AURKA: variants seen among roughly 807,000 people sequenced by gnomAD.
AURKA encodes the protein aurora kinase A.
In AURKA, 12 loss-of-function variants were observed where a neutral mutation model predicts 40.9. That is an observed-to-expected ratio of 0.29 (90% confidence interval 0.19 to 0.48). The LOEUF is 0.48. AURKA is among the 20% of genes least tolerant of loss of function. The probability of loss-of-function intolerance (pLI) is 0.99; values close to 1 mark genes in which losing one functional copy is unlikely to be tolerated. For synonymous variants in AURKA, 170 were observed against 164.3 expected, an observed-to-expected ratio of 1.03 and a Z score of -0.26; for missense variants, 322 against 462.1, an observed-to-expected ratio of 0.70 and a Z score of 2.78.
chr20:56,382,020 T>C (rs1985773293), intron 5 of AURKA, among the ~76,000 whole-genome samples: 1 of 152,018 alleles, frequency 6.6e-6, no homozygotes, highest in Non-Finnish European at 1.5e-5. Context: ...AAAAATTAGC[T>C]AGGCTTGTTG....
chr20:56,381,712 CTA>C (rs1206362629), intron 5 of AURKA, 141 bp from the exon 6 acceptor site: 5 of 1,012,114 alleles, frequency 4.9e-6, no homozygotes, highest in Non-Finnish European at 7.4e-6. Flanking sequence ...GAATCTGAAA[CTA>C]TAAACCCACT....
At chr20:56,380,537 G>T (rs1428626532) in intron 6 of AURKA, among the ~76,000 whole-genome samples, 1 of 152,132 alleles carries the variant, frequency 6.6e-6, no homozygotes, top group Non-Finnish European at 1.5e-5. Flanking sequence ...CTCTGGCACA[G>T]AATTCCAGAT....
chr20:56,373,861 G>A lies in AURKA; in HGVS notation c.706-305C>T, dbSNP rs564425763. Reference sequence around the variant, plus strand: ...GCTACTTGGGAGGCTGAGGCAGGAGGATTGCTTGAGACCAGGAGGTCAAAG... The same window carrying A: ...GCTACTTGGGAGGCTGAGGCAGGAGAATTGCTTGAGACCAGGAGGTCAAAG... On this transcript the variant is annotated intron_variant, in intron 6 of 8. Coordinates refer to ENST00000395915, the MANE Select transcript of AURKA (RefSeq NM_198437.3). The surrounding 1 kb of genome is among the most constrained non-coding windows in gnomAD (Gnocchi z 5.0). Among the ~76,000 whole-genome samples the A allele has an allele frequency of 3.1e-3, 467 of 152,268 alleles. 4 individuals carry two copies. The highest frequency in any genetic ancestry group is 0.01 in the African/African-American group (436 of 41,546).
chr20:56,380,748 TAAG>T (rs966685229), intron 6 of AURKA, among the ~76,000 whole-genome samples: 1 of 152,240 alleles, frequency 6.6e-6, no homozygotes, highest in African/African-American at 2.4e-5. Context: ...TGGTATGTGA[TAAG>T]AATGCACTTT....
chr20:56,390,366 G>A (rs1007713252), intron 1 of AURKA, among the ~76,000 whole-genome samples: 1 of 151,220 alleles, frequency 6.6e-6, no homozygotes, highest in South Asian at 2.1e-4. Flanking sequence ...GAGTGCAATG[G>A]CGCAATCTCG....
chr20:56,381,545 C>T lies in AURKA; in HGVS notation c.593G>A (p.Gly198Asp), dbSNP rs762388330. ...LRHPNILRLY[G>D]YFHDATRVYL... Reference sequence around the variant, plus strand: ...GACTCTGGTAGCATCATGGAAATAACCATACAGTCTAAGAATATTAGGATG... The same window carrying T: ...GACTCTGGTAGCATCATGGAAATAATCATACAGTCTAAGAATATTAGGATG... Residue 198 changes from glycine to aspartate, a missense_variant, in exon 6 of 9, where the codon GGT becomes GAT. Gly to Asp is a moderately conservative substitution (Grantham distance 94). Coordinates refer to ENST00000395915, the MANE Select transcript of AURKA (RefSeq NM_198437.3). 6.2e-7 allele frequency: 1 copy of T among 1,613,848 alleles called. No individual in the cohort carries two copies. The highest frequency in any genetic ancestry group is 1.7e-5 in the Admixed American group (1 of 60,010).
At chr20:56,382,944 C>T in intron 5 of AURKA, 41 bp downstream of exon 5, 1 of 1,605,858 alleles carries the variant, frequency 6.2e-7, no homozygotes, top group Admixed American at 1.7e-5. Flanking sequence ...AGGGGTGCAG[C>T]ATTGGTGAAC....
intron 5 of AURKA, among the ~76,000 whole-genome samples, chr20:56,381,997 C>T (rs1985770267): frequency 6.6e-6 from 1 of 152,058 alleles, no homozygotes; most frequent in Non-Finnish European, 1.5e-5. Flanking sequence ...AACCTCGTCT[C>T]TACTAAAAAT....
intron 2 of AURKA, 61 bp downstream of exon 2, chr20:56,388,095 A>G: frequency 6.3e-7 from 1 of 1,580,670 alleles, no homozygotes; most frequent in South Asian, 1.1e-5. Context: ...AGAATTCCCG[A>G]CAAGACCAAC....
intron 6 of AURKA, among the ~76,000 whole-genome samples, chr20:56,379,267 A>C (rs990189386): frequency 6.6e-6 from 1 of 152,174 alleles, no homozygotes; most frequent in Admixed American, 6.5e-5. Context: ...ACCATTATAC[A>C]TGTATATTGG....
intron 6 of AURKA, among the ~76,000 whole-genome samples, chr20:56,375,680 T>G (rs1171347099): frequency 3.9e-5 from 6 of 152,212 alleles, no homozygotes; most frequent in Non-Finnish European, 8.8e-5. Context: ...CACAATAAAC[T>G]GAAGGCAAAT....
intron 5 of AURKA, among the ~76,000 whole-genome samples, chr20:56,382,080 C>T (rs1157858808): frequency 6.6e-6 from 1 of 151,656 alleles, no homozygotes; most frequent in Non-Finnish European, 1.5e-5. Context: ...AGGAGAATCG[C>T]TTTAACCTGG....
intron 6 of AURKA, among the ~76,000 whole-genome samples, chr20:56,380,301 G>A (rs1455830347): frequency 6.7e-6 from 1 of 149,282 alleles, no homozygotes; most frequent in Non-Finnish European, 1.5e-5. Context: ...GTTGCAGTGA[G>A]CCAAGATAGC....
At chr20:56,382,720 TAA>T (rs3838041) in intron 5 of AURKA, among the ~76,000 whole-genome samples, 29 of 144,700 alleles carry the variant, frequency 2.0e-4, no homozygotes, top group East Asian at 5.9e-4. Context: ...AATTTATACT[TAA>T]AAAAAAAAAA....
Position 56,383,060 on chromosome 20 carries a change from A to G in AURKA, c.491T>C (p.Leu164Ser). 1 of 1,614,238 alleles carries G rather than the reference A, an allele frequency of 6.2e-7. No homozygotes were observed. Among genetic ancestry groups the G allele is most frequent in the Non-Finnish European group, 8.5e-7 (1 of 1,180,042 alleles). The change falls in exon 5 of 9, where the codon TTA (leucine) becomes TCA (serine). Residue 164 changes from leucine to serine, a missense_variant. Physicochemically the swap from Leu to Ser is moderately radical, Grantham distance 145. Transcript: ENST00000395915. ...GGCTTTCTCCAGCTGAGCTTTAAAT[A>G]ACACTTTAAGAGCCAGAATAAACTT... ...QSKFILALKV[L>S]FKAQLEKAGV...
rs1983975325 is a variant in AURKA at position 56,370,354 on chromosome 20, A to G, written c.1030-14T>C. The stretch of plus-strand genomic sequence containing the variant: ...TGTGAATTCAACCTGGAGTACAACA[A>G]ATGATAAAATATCACAAAACACAGG... On this transcript the variant is annotated splice_polypyrimidine_tract_variant and intron_variant, in intron 8 of 8. Transcript: ENST00000395915. 1 of 1,614,098 alleles carries G rather than the reference A, an allele frequency of 6.2e-7. No homozygotes were observed. Among genetic ancestry groups the G allele is most frequent in the African/African-American group, 1.3e-5 (1 of 74,948 alleles).
chr20:56,371,186 G>GGC (rs1569038433), intron 7 of AURKA, among the ~76,000 whole-genome samples: 122 of 152,212 alleles, frequency 8.0e-4, no homozygotes, highest in African/African-American at 2.7e-3. Flanking sequence ...AACCTGGCTG[G>GGC]GTGCAGTGGC....
At position 56,370,506 on chromosome 20, in the gene AURKA, C is replaced by G; in HGVS notation, c.1008G>C (p.Glu336Asp). The G allele has an allele frequency of 1.2e-6, 2 of 1,614,156 alleles. No individual in the cohort carries two copies. Among genetic ancestry groups the G allele is most frequent in the South Asian group, 1.1e-5 (1 of 91,074 alleles). Residue 336 changes from glutamate (E) to aspartate (D), a missense_variant, in exon 8 of 9, where the codon GAG becomes GAC. Coordinates refer to ENST00000395915, the MANE Select transcript of AURKA (RefSeq NM_198437.3). Reference sequence around the variant, plus strand: ...TTACCCGTGATATTCTTTTGTAGGTCTCTTGGTATGTGTTTGCCTCAAAAG... The same window carrying G: ...TTACCCGTGATATTCTTTTGTAGGTGTCTTGGTATGTGTTTGCCTCAAAAG... ...KPPFEANTYQ[E>D]TYKRISRVEF...
At chr20:56,371,685 A>G (rs910933857) in intron 7 of AURKA, among the ~76,000 whole-genome samples, 42 of 152,082 alleles carry the variant, frequency 2.8e-4, no homozygotes, top group African/African-American at 9.6e-4. Context: ...ATCCAACCAC[A>G]TAGACAGTCC....
Sources: allele counts gnomAD v4.1 joint callset (sites outside exome capture counted in the v4.1 genomes callset), GRCh38; gene constraint gnomAD v4.1.1; non-coding constraint Gnocchi (gnomAD v3.1); transcripts MANE v1.5; gene names NCBI Gene and HGNC (gene_info 2026-07-23, HGNC 2026-07-21).